ZACN: variants seen among roughly 807,000 people sequenced by gnomAD.
ZACN encodes the protein ligand-gated cation channel ZACN.
A neutral mutation model predicts 38.9 loss-of-function variants in ZACN; 52 were observed. The observed-to-expected ratio is 1.34, with a 90% CI of 1.07 to 1.68. ZACN has a LOEUF of 1.68. Ranked by LOEUF, ZACN falls within the 40% of genes most tolerant of loss-of-function variation. ZACN has a pLI of 0.00. For synonymous variants in ZACN, 235 were observed against 227.4 expected, an observed-to-expected ratio of 1.03 and a Z score of -0.30; for missense variants, 559 against 525.6, an observed-to-expected ratio of 1.06 and a Z score of -0.62.
intron 5 of ZACN, 76 bp from the exon 6 acceptor site, chr17:76,081,202 C>A: frequency 6.3e-7 from 1 of 1,587,078 alleles, no homozygotes; most frequent in South Asian, 1.2e-5. Context: ...CACCCCTGGG[C>A]TCCAGTCTGC....
In ZACN at chr17:76,079,331, C is replaced by T; in HGVS notation, c.67C>T (p.His23Tyr). 6.2e-7 allele frequency: 1 copy of T among 1,614,126 alleles called. No homozygotes were observed. The highest frequency in any genetic ancestry group is 8.5e-7 in the Non-Finnish European group (1 of 1,180,004). The change falls in exon 1 of 9, where the codon CAC becomes TAC. Residue 23 changes from histidine (H) to tyrosine (Y), a missense_variant. Transcript: ENST00000334586. ...LGFSITLLLV[H>Y]GQGFQGTAAI... ...GTTCAGCATTACCTTGCTGTTGGTCCACGGGCAGGGCTTCCAAGGGACAGC... is the reference window on the plus strand; with the variant it reads ...GTTCAGCATTACCTTGCTGTTGGTCTACGGGCAGGGCTTCCAAGGGACAGC...
rs201365116 is a variant in ZACN, at chr17:76,080,377, G to A, written c.497G>A (p.Arg166Gln). 9.9e-6 allele frequency: 16 copies of A among 1,614,086 alleles called. No individual in the cohort carries two copies. The East Asian group carries it at 1.1e-4, about 11-fold the overall frequency. Reference sequence around the variant, plus strand: ...AACTTTGAGCTCCTCCACTTCCCCCGGGACCACAGCAACTGCAGCCTCAGC... The same window carrying A: ...AACTTTGAGCTCCTCCACTTCCCCCAGGACCACAGCAACTGCAGCCTCAGC... ...NCNFELLHFP[R>Q]DHSNCSLSFY... The change falls in exon 5 of 9, where the codon CGG becomes CAG. Residue 166 changes from arginine to glutamine, a missense_variant. By Grantham distance (43) the Arg-to-Gln change is conservative. Transcript: ENST00000334586.
Position 76,082,323 on chromosome 17 carries a change from A to C in ZACN, c.1049-140A>C, listed in dbSNP as rs2067016657. 3.2e-6 allele frequency: 3 copies of C among 950,710 alleles called. No homozygotes were observed. In the East Asian group the frequency reaches 7.8e-5, roughly 25 times the overall value. The allele number at this position is 950,710 out of a possible 1,614,324, so 58.9% of individuals were successfully genotyped here. The stretch of plus-strand genomic sequence containing the variant: ...GTTTCTTCAACTGAAGATGGCCTGA[A>C]ATGGGCCAGACCCAAATTTTCATCA... On this transcript the variant is annotated intron_variant, in intron 8 of 8. Transcript: ENST00000334586.
chr17:76,081,516 C>A, intron 6 of ZACN, 29 bp from the exon 7 acceptor site: 1 of 1,611,176 alleles, frequency 6.2e-7, no homozygotes, highest in Non-Finnish European at 8.5e-7. Context: ...TCCCCCCCGC[C>A]GGGAAGGCCC....
In ZACN at chr17:76,082,443, C is replaced by T. The variant is rs1366402031; in HGVS notation, c.1049-20C>T. 2 of 1,585,362 alleles carry T rather than the reference C, an allele frequency of 1.3e-6. No individual in the cohort carries two copies. The highest frequency in any genetic ancestry group is 1.2e-5 in the South Asian group (1 of 86,856). On this transcript the variant is annotated intron_variant, in intron 8 of 8. Coordinates refer to ENST00000334586, the MANE Select transcript of ZACN (RefSeq NM_180990.4). ...GGGGACCTTGAAGAACAGCTCCTTT[C>T]CCTGTATCTCTCCCCACAGAGCCCT...
rs1317157275 is a variant in ZACN, at chr17:76,079,758, T to G, written c.267+12T>G. On this transcript the variant is annotated intron_variant, in intron 3 of 8. Transcript: ENST00000334586. ...TGCTGCTTAGGCTGGTGAGCTCCTA[T>G]GCCTGGGGAGGTGGGATGGGAAAGC... 10 of 1,612,952 alleles carry G rather than the reference T, an allele frequency of 6.2e-6. No homozygotes were observed. Among genetic ancestry groups the G allele is most frequent in the Non-Finnish European group, 8.5e-6 (10 of 1,179,350 alleles).
chr17:76,081,284 A>G lies in ZACN; in HGVS notation c.551A>G (p.Glu184Gly). The G allele has an allele frequency of 6.2e-7, 1 of 1,613,704 alleles. No homozygotes were observed. The highest frequency in any genetic ancestry group is 1.1e-5 in the South Asian group (1 of 91,070). The change falls in exon 6 of 9, where the codon GAG becomes GGG. Residue 184 changes from glutamate to glycine, a missense_variant. Coordinates refer to ENST00000334586, the MANE Select transcript of ZACN (RefSeq NM_180990.4). ...SFYALSNTAM[E>G]LEFQAHVVNE... is the part of the protein sequence containing the mutation. Reference sequence around the variant, plus strand: ...TCTCATTCCCACCCCTCAGCGATGGAGTTAGAGTTCCAGGCCCACGTGGTG... The same window carrying G: ...TCTCATTCCCACCCCTCAGCGATGGGGTTAGAGTTCCAGGCCCACGTGGTG...
Position 76,081,940 on chromosome 17 carries a change from G to A in ZACN, c.939G>A (p.Leu313=). ...LLFLSTIETV[L]LAGLLARGNL... ...TCCTCAGCACCATAGAGACTGTGCT[G>A]CTGGCTGGGCTGCTGGCCCGGGGCA... Residue 313 remains leucine (L), a synonymous_variant, in exon 8 of 9, where the codon CTG becomes CTA. Transcript: ENST00000334586. 6.2e-7 allele frequency: 1 copy of A among 1,613,160 alleles called. No individual in the cohort carries two copies. Among genetic ancestry groups the A allele is most frequent in the East Asian group, 2.2e-5 (1 of 44,876 alleles).
chr17:76,079,858 G>A lies in ZACN; in HGVS notation c.268-30G>A, dbSNP rs200146097. ...TAGGGGCATGGATATGTGGAGAGCA[G>A]GAGCCTCAGTGGTGCCCTTGTGTCC... is the stretch of plus-strand genomic sequence containing the variant. On this transcript the variant is annotated intron_variant, in intron 3 of 8. Transcript: ENST00000334586. The A allele has an allele frequency of 1.8e-5, 28 of 1,588,964 alleles. No individual in the cohort carries two copies. The African/African-American group carries it at 2.0e-4, about 11-fold the overall frequency.
At chr17:76,081,821 C>T in intron 7 of ZACN, 61 bp from the exon 8 acceptor site, 1 of 1,611,080 alleles carries the variant, frequency 6.2e-7, no homozygotes, top group Non-Finnish European at 8.5e-7. Flanking sequence ...GCTCAGCTCG[C>T]TGGGCACCAG....
chr17:76,081,490 CCGATGCCCA>C lies in ZACN; in HGVS notation c.670-53_670-45del, dbSNP rs1049094481. 5 of 1,610,090 alleles carry C rather than the reference CCGATGCCCA, an allele frequency of 3.1e-6. No individual in the cohort carries two copies. In the African/African-American group the frequency reaches 6.7e-5, roughly 21 times the overall value. On this transcript the variant is annotated intron_variant, in intron 6 of 8. Coordinates refer to ENST00000334586, the MANE Select transcript of ZACN (RefSeq NM_180990.4). ...CGGCCAGAGGCCAGGCCCCATGCCCCCGATGCCCACCTCCTTCCCCCCCGCCGGGAAGGC... is the reference window on the plus strand; with the variant it reads ...CGGCCAGAGGCCAGGCCCCATGCCCCCCTCCTTCCCCCCCGCCGGGAAGGC...
chr17:76,082,125 G>A (rs1280273929), intron 8 of ZACN, 76 bp downstream of exon 8: 1 of 1,497,294 alleles, frequency 6.7e-7, no homozygotes, highest in Non-Finnish European at 8.9e-7. Flanking sequence ...GGAGGTCCAG[G>A]TGTGGGTAGA....
rs749433654 is a variant in ZACN, at chr17:76,082,536, T to C, written c.1122T>C (p.Tyr374=). 11 of 1,613,726 alleles carry C rather than the reference T, an allele frequency of 6.8e-6. No individual in the cohort carries two copies. The highest frequency in any genetic ancestry group is 6.7e-5 in the African/African-American group (5 of 74,910). ...CTGACCGCATCTTCTTCCTCGTGTA[T>C]GTGGTTGGGGTGCTGTGCACCCAAT... ...ETADRIFFLV[Y]VVGVLCTQFV... The change falls in exon 9 of 9, where the codon TAT becomes TAC. Residue 374 remains tyrosine (Y), a synonymous_variant. Coordinates refer to ENST00000334586, the MANE Select transcript of ZACN (RefSeq NM_180990.4).
chr17:76,081,142 C>A, intron 5 of ZACN, 136 bp from the exon 6 acceptor site: 1 of 1,252,990 alleles, frequency 8.0e-7, no homozygotes, highest in Non-Finnish European at 1.1e-6. Context: ...TTCTATGGAT[C>A]GGTTTTGTGT....
chr17:76,081,357 GACCCAA>G lies in ZACN; in HGVS notation c.625_630del (p.Thr209_Gln210del). 1 of 1,614,178 alleles carries G rather than the reference GACCCAA, an allele frequency of 6.2e-7. No homozygotes were observed. The highest frequency in any genetic ancestry group is 8.5e-7 in the Non-Finnish European group (1 of 1,180,038). The stretch of plus-strand genomic sequence containing the variant: ...GGGAATACGTAGTTTATGATCTGAA[GACCCAA>G]GTCCCACCCCAGCAGCTGGTGCCCT... On this transcript the variant is annotated inframe_deletion, in exon 6 of 9. Coordinates refer to ENST00000334586, the MANE Select transcript of ZACN (RefSeq NM_180990.4).
rs751669820 is a variant in ZACN at position 76,082,458 on chromosome 17, C to G, written c.1049-5C>G. On this transcript the variant is annotated splice_region_variant and splice_polypyrimidine_tract_variant and intron_variant, in intron 8 of 8. Transcript: ENST00000334586. ...CAGCTCCTTTCCCTGTATCTCTCCC[C>G]ACAGAGCCCTCCAGAGGAGTAAAGG... The G allele has an allele frequency of 1.2e-6, 2 of 1,603,166 alleles. No individual in the cohort carries two copies. The highest frequency in any genetic ancestry group is 1.7e-6 in the Non-Finnish European group (2 of 1,174,032).
rs1356049965 is a variant in ZACN, at chr17:76,082,028, C to T, written c.1027C>T (p.Pro343Ser). Residue 343 changes from proline (P) to serine (S), a missense_variant, in exon 8 of 9, where the codon CCA (proline) becomes TCA (serine). Pro to Ser is a moderately conservative substitution (Grantham distance 74, BLOSUM62 -1). Coordinates refer to ENST00000334586, the MANE Select transcript of ZACN (RefSeq NM_180990.4). ...PRGEQREHGNPGPHPAEEPSR... is the reference protein window; with the variant it reads ...PRGEQREHGNSGPHPAEEPSR... ...AGGGGAACAGCGAGAGCACGGCAAC[C>T]CAGGGCCTCATCCTGCTGAAGGTGG... 3 of 1,610,402 alleles carry T rather than the reference C, an allele frequency of 1.9e-6. No individual in the cohort carries two copies. Among genetic ancestry groups the T allele is most frequent in the Non-Finnish European group, 2.5e-6 (3 of 1,178,940 alleles).
chr17:76,081,424 C>T (rs371601457), intron 6 of ZACN, 22 bp downstream of exon 6: 325 of 1,613,494 alleles, frequency 2.0e-4, no homozygotes, highest in Admixed American at 2.7e-4. Context: ...CGGGAGGAGG[C>T]CGACAGAGGG....
Position 76,082,806 on chromosome 17 carries a change from A to C in ZACN, c.*153A>C, listed in dbSNP as rs1158875810. On this transcript the variant is annotated 3_prime_UTR_variant, in exon 9 of 9. Transcript: ENST00000334586. Reference sequence around the variant, plus strand: ...GTGAAATAAACCCATCTCCAGTGCAAGTGTGCCTCAAGGGTCAGTCTTCAA... The same window carrying C: ...GTGAAATAAACCCATCTCCAGTGCACGTGTGCCTCAAGGGTCAGTCTTCAA... The C allele has an allele frequency of 1.4e-6, 1 of 700,962 alleles. No homozygotes were observed. The highest frequency in any genetic ancestry group is 1.8e-5 in the African/African-American group (1 of 55,126). The allele number at this position is 700,962 out of a possible 1,614,324, so 43.4% of individuals were successfully genotyped here.
Sources: gnomAD v4.1 joint callset for allele counts on GRCh38, gnomAD v4.1.1 for gene constraint, MANE v1.5 for transcripts, NCBI Gene and HGNC (gene_info 2026-07-23, HGNC 2026-07-21) for gene names.